Variants in SSBP3 observed in about 807,000 individuals in gnomAD.
SSBP3 encodes the protein single stranded DNA binding protein 3, also known as single-stranded DNA-binding protein 3.
Under a neutral mutation model 69.6 loss-of-function variants are expected in SSBP3, and 5 were observed. The observed-to-expected ratio is 0.07, with a 90% CI of 0.04 to 0.15. The LOEUF is 0.15. Among genes scored for constraint, SSBP3 ranks in the 10% least tolerant of loss-of-function variants. The pLI, the probability that SSBP3 is intolerant of heterozygous loss-of-function variation, is 1.00. For synonymous variants in SSBP3, 196 were observed against 193.4 expected (o/e 1.01, Z -0.11); for missense variants, 312 against 534.0 (o/e 0.58, Z 4.10).
chr1:54,317,712 C>A (rs1454131201), intron 4 of SSBP3, among the ~76,000 whole-genome samples: 1 of 152,122 alleles, frequency 6.6e-6, no homozygotes, highest in Non-Finnish European at 1.5e-5. Flanking sequence ...AGATGGGGTG[C>A]TGTACTCAAG....
intron 5 of SSBP3, among the ~76,000 whole-genome samples, chr1:54,264,092 G>A (rs1336594100): frequency 3.3e-5 from 5 of 152,184 alleles, no homozygotes; most frequent in Admixed American, 6.5e-5. Context: ...CTTGAGCCCA[G>A]GAGTTTGAGA....
intron 4 of SSBP3, among the ~76,000 whole-genome samples, chr1:54,394,192 C>T (rs1027007162): frequency 4.6e-5 from 7 of 152,230 alleles, no homozygotes; most frequent in African/African-American, 1.7e-4. Context: ...ATTGATTAGG[C>T]TTGCAGGCAG....
intron 4 of SSBP3, among the ~76,000 whole-genome samples, chr1:54,316,667 AATAAAT>A (rs1557525405): frequency 0.038 from 2,122 of 56,368 alleles, 177 homozygotes; most frequent in Admixed American, 0.088. Flanking sequence ...AAATAAAATA[AATAAAT>A]AAATAAATAA....
intron 5 of SSBP3, among the ~76,000 whole-genome samples, chr1:54,259,251 A>T (rs895863479): frequency 1.3e-5 from 2 of 152,148 alleles, no homozygotes; most frequent in African/African-American, 4.8e-5. Context: ...TCAGCAATTC[A>T]GCAAGCTGCA....
intron 4 of SSBP3, among the ~76,000 whole-genome samples, chr1:54,349,739 C>A (rs974155479): frequency 8.6e-5 from 13 of 151,444 alleles, no homozygotes; most frequent in Admixed American, 8.5e-4. Context: ...AAATCAAAAT[C>A]ATTATTTTAC....
intron 4 of SSBP3, among the ~76,000 whole-genome samples, chr1:54,333,985 G>A (rs942103786): frequency 2.6e-5 from 4 of 152,228 alleles, no homozygotes; most frequent in Admixed American, 6.5e-5. Context: ...GAGCCCAGGA[G>A]TTTGAGGCTG....
intron 4 of SSBP3, among the ~76,000 whole-genome samples, chr1:54,291,259 G>A (rs982054107): frequency 2.0e-5 from 3 of 152,156 alleles, no homozygotes; most frequent in African/African-American, 7.2e-5. Flanking sequence ...AAATTTAGTG[G>A]GGACCAAGTC....
At chr1:54,400,129 G>A (rs575540936) in intron 4 of SSBP3, among the ~76,000 whole-genome samples, 52 of 152,258 alleles carry the variant, frequency 3.4e-4, no homozygotes, top group African/African-American at 1.3e-3. Flanking sequence ...AAACTTTCAT[G>A]GCCGCCATAT....
intron 4 of SSBP3, among the ~76,000 whole-genome samples, chr1:54,345,693 T>C (rs890563241): frequency 3.3e-5 from 5 of 152,116 alleles, no homozygotes; most frequent in Non-Finnish European, 7.4e-5. Context: ...GCCCTGACCA[T>C]GGCACAGAGC....
intron 4 of SSBP3, among the ~76,000 whole-genome samples, chr1:54,399,089 A>G (rs1411870496): frequency 6.6e-6 from 1 of 152,244 alleles, no homozygotes; most frequent in East Asian, 1.9e-4. Context: ...CAAGTGACTT[A>G]CTCATTCTTA....
chr1:54,249,396 C>A (rs1291532026), intron 9 of SSBP3, among the ~76,000 whole-genome samples: 3 of 152,222 alleles, frequency 2.0e-5, no homozygotes, highest in African/African-American at 7.2e-5. Context: ...GCCAGCATCA[C>A]ATTGAGAACT....
intron 4 of SSBP3, among the ~76,000 whole-genome samples, chr1:54,397,815 C>T (rs1409875204): frequency 6.6e-6 from 1 of 152,154 alleles, no homozygotes; most frequent in Non-Finnish European, 1.5e-5. Context: ...GAAATACTGT[C>T]CATAGCTTTT....
intron 4 of SSBP3, among the ~76,000 whole-genome samples, chr1:54,328,983 T>C (rs922054649): frequency 6.6e-5 from 10 of 152,160 alleles, no homozygotes; most frequent in African/African-American, 2.4e-4. Flanking sequence ...TGGGTTTTTG[T>C]GGGAAATGAG....
chr1:54,322,398 G>A (rs1201210580), intron 4 of SSBP3, among the ~76,000 whole-genome samples: 3 of 152,112 alleles, frequency 2.0e-5, no homozygotes, highest in Non-Finnish European at 4.4e-5. Context: ...ACAGACAATG[G>A]CTAGCCTTCT....
chr1:54,245,310 A>AG (rs1644714410), intron 9 of SSBP3, among the ~76,000 whole-genome samples: 1 of 152,110 alleles, frequency 6.6e-6, no homozygotes, highest in Non-Finnish European at 1.5e-5. Context: ...GGTCTGAGGG[A>AG]GAAAGTTTTG....
At chr1:54,318,175 G>A (rs1569785472) in intron 4 of SSBP3, among the ~76,000 whole-genome samples, 1 of 152,296 alleles carries the variant, frequency 6.6e-6, no homozygotes, top group East Asian at 1.9e-4. Context: ...GTTCCAGGTA[G>A]TGTTCACATG....
At chr1:54,243,197 T>C (rs1253704612) in intron 10 of SSBP3, 38 bp downstream of exon 10, 2 of 1,602,146 alleles carry the variant, frequency 1.2e-6, no homozygotes, top group Admixed American at 1.7e-5. Context: ...GGGGAAGACC[T>C]GGACTCTGAG....
At chr1:54,369,828 C>T (rs973556051) in intron 4 of SSBP3, among the ~76,000 whole-genome samples, 1 of 151,996 alleles carries the variant, frequency 6.6e-6, no homozygotes, top group African/African-American at 2.4e-5. Flanking sequence ...AGATGGGATT[C>T]CCAAGATTAG....
chr1:54,311,657 G>A (rs2100283156), intron 4 of SSBP3, among the ~76,000 whole-genome samples: 1 of 152,276 alleles, frequency 6.6e-6, no homozygotes, highest in Non-Finnish European at 1.5e-5. Flanking sequence ...CGGAGGGGCG[G>A]CAGACTCAGG....
Sources: allele counts gnomAD v4.1 joint callset (sites outside exome capture counted in the v4.1 genomes callset), GRCh38; gene constraint gnomAD v4.1.1; transcripts MANE v1.5; gene names NCBI Gene and HGNC (gene_info 2026-07-23, HGNC 2026-07-21).